Variants in STPG2 observed in about 807,000 individuals in gnomAD.
STPG2 encodes the protein sperm-tail PG-rich repeat-containing protein 2.
Under a neutral mutation model 54.2 loss-of-function variants are expected in STPG2, and 56 were observed. The ratio of observed to expected loss-of-function variants is 1.03; its 90% CI spans 0.83 to 1.29. The LOEUF (loss-of-function observed/expected upper bound fraction) is 1.29, where lower values mean the gene tolerates loss of function less well. Ranked by LOEUF, STPG2 falls within the 50% of genes most tolerant of loss-of-function variation. The pLI is 0.00. For missense variants in STPG2, 596 were observed against 544.9 expected (o/e 1.09, Z -0.93); for synonymous variants, 200 against 181.8 (o/e 1.10, Z -0.81).
rs1432329876 is a variant in STPG2, at chr4:97,660,140, C to G, written c.1320+52559G>C. Among the ~76,000 whole-genome samples the G allele has an allele frequency of 2.6e-5, 4 of 151,990 alleles. No individual in the cohort carries two copies. The East Asian group carries it at 7.8e-4, about 29-fold the overall frequency. On this transcript the variant is annotated intron_variant, in intron 10 of 10. Transcript: ENST00000295268. Reference sequence around the variant, plus strand: ...GCCTCAGCCTCCTGAGTAGCTGGGACTACAGGCGCCCACCACTAAGCCCAG... The same window carrying G: ...GCCTCAGCCTCCTGAGTAGCTGGGAGTACAGGCGCCCACCACTAAGCCCAG...
intron 10 of STPG2, among the ~76,000 whole-genome samples, chr4:97,626,759 T>C (rs1352940004): frequency 2.0e-5 from 3 of 152,154 alleles, no homozygotes; most frequent in East Asian, 1.9e-4. Context: ...CTTTTACTTA[T>C]AATTCTTGTG....
intron 10 of STPG2, among the ~76,000 whole-genome samples, chr4:97,621,384 G>A: frequency 6.6e-6 from 1 of 151,938 alleles, no homozygotes; most frequent in Non-Finnish European, 1.5e-5. Flanking sequence ...AAGATTGACA[G>A]ACCACTAGCT....
At chr4:97,893,511 G>T (rs1277717322) in intron 8 of STPG2, among the ~76,000 whole-genome samples, 1 of 151,964 alleles carries the variant, frequency 6.6e-6, no homozygotes, top group African/African-American at 2.4e-5. Flanking sequence ...AGGGATTTAA[G>T]CTCTTCCAAC....
intron 4 of STPG2, among the ~76,000 whole-genome samples, chr4:97,472,048 C>T (rs937885324): frequency 6.6e-6 from 1 of 152,046 alleles, no homozygotes; most frequent in Non-Finnish European, 1.5e-5. Flanking sequence ...TTGTAAGAAG[C>T]TTATAAATCA....
At chr4:97,943,293 G>C (rs1425914204) in intron 8 of STPG2, among the ~76,000 whole-genome samples, 1 of 152,066 alleles carries the variant, frequency 6.6e-6, no homozygotes, top group Non-Finnish European at 1.5e-5. Flanking sequence ...CAAACATTTA[G>C]ACTCTAGCAA....
chr4:97,689,088 T>C (rs1057130254), intron 10 of STPG2, among the ~76,000 whole-genome samples: 6 of 152,162 alleles, frequency 3.9e-5, no homozygotes, highest in Admixed American at 2.6e-4. Flanking sequence ...CAACTGAATG[T>C]GCTGTCTGAG....
At chr4:97,698,424 T>C (rs890157394) in intron 10 of STPG2, among the ~76,000 whole-genome samples, 4 of 152,190 alleles carry the variant, frequency 2.6e-5, no homozygotes, top group African/African-American at 7.2e-5. Flanking sequence ...TCTTAGCCTG[T>C]TGACTTAAAG....
intron 8 of STPG2, among the ~76,000 whole-genome samples, chr4:97,925,344 A>G (rs747272673): frequency 2.0e-5 from 3 of 152,226 alleles, no homozygotes; most frequent in African/African-American, 4.8e-5. Context: ...CTGTTTGCTT[A>G]TCAAACCCAT....
chr4:97,958,350 G>A (rs1319707519), intron 7 of STPG2, among the ~76,000 whole-genome samples: 1 of 151,710 alleles, frequency 6.6e-6, no homozygotes, highest in African/African-American at 2.4e-5. Flanking sequence ...AGGTATACAG[G>A]CAACAAATAG....
rs1553939187 is a variant in STPG2, at chr4:98,072,613, T to TAAAATAAAATAAAATAAAATAAAAC, written c.612+33339_612+33340insGTTTTATTTTATTTTATTTTATTTT. ...TAAAATAAAATAAAATAAAATAAAATAAAACAAAACAAGAGTCCACTAATT... is the reference window on the plus strand; with the variant it reads ...TAAAATAAAATAAAATAAAATAAAATAAAATAAAATAAAATAAAATAAAACAAAACAAAACAAGAGTCCACTAATT... On this transcript the variant is annotated intron_variant, in intron 5 of 10. Coordinates refer to ENST00000295268, the MANE Select transcript of STPG2 (RefSeq NM_174952.3). Among the ~76,000 whole-genome samples the TAAAATAAAATAAAATAAAATAAAAC allele has an allele frequency of 5.0e-3, 679 of 135,170 alleles. 10 individuals carry two copies. Among genetic ancestry groups the TAAAATAAAATAAAATAAAATAAAAC allele is most frequent in the African/African-American group, 0.018 (650 of 36,358 alleles). The allele number at this position is 135,170 out of a possible 152,430, so 88.7% of individuals were successfully genotyped here.
chr4:97,760,277 A>T (rs1578541015), intron 9 of STPG2, among the ~76,000 whole-genome samples: 1 of 152,148 alleles, frequency 6.6e-6, no homozygotes. Flanking sequence ...TTACATATCC[A>T]CCCTACCTTC....
intron 9 of STPG2, among the ~76,000 whole-genome samples, chr4:97,761,598 C>T (rs1725892661): frequency 6.6e-6 from 1 of 152,102 alleles, no homozygotes; most frequent in Admixed American, 6.5e-5. Flanking sequence ...CCCTGGCAAA[C>T]CAATACACCA....
Position 97,981,170 on chromosome 4 carries a change from T to C in STPG2, c.761A>G (p.Glu254Gly). 1 of 1,613,444 alleles carries C rather than the reference T, an allele frequency of 6.2e-7. No individual in the cohort carries two copies. The highest frequency in any genetic ancestry group is 1.7e-4 in the Middle Eastern group (1 of 5,954). ...GATAAATTGCTAACCTGGCATTTCC[T>C]CTGTCCTGATGTCCTGTGTGAATCG... Reference protein sequence around the residue: ...AVRFTQDIRTEEMPGPGFYNV... With the variant: ...AVRFTQDIRTGEMPGPGFYNV... The change falls in exon 6 of 11, where the codon GAG becomes GGG. Residue 254 changes from glutamate (E) to glycine (G), a missense_variant. Transcript: ENST00000295268.
chr4:98,128,414 T>G lies in STPG2; in HGVS notation c.387+14A>C. ...CAATTTTCCAATTGTCAATATGAAATACATTATACTTACAAATTGAGGTTT... is the reference window on the plus strand; with the variant it reads ...CAATTTTCCAATTGTCAATATGAAAGACATTATACTTACAAATTGAGGTTT... On this transcript the variant is annotated intron_variant, in intron 3 of 10. Coordinates refer to ENST00000295268, the MANE Select transcript of STPG2 (RefSeq NM_174952.3). 6.5e-7 allele frequency: 1 copy of G among 1,544,416 alleles called. No individual in the cohort carries two copies. The highest frequency in any genetic ancestry group is 2.3e-5 in the East Asian group (1 of 42,832).
chr4:97,533,952 T>C (rs1578368280), intron 4 of STPG2, among the ~76,000 whole-genome samples: 1 of 152,182 alleles, frequency 6.6e-6, no homozygotes, highest in South Asian at 2.1e-4. Context: ...GGTTATATAA[T>C]AAGTATTTTT....
chr4:97,724,491 A>G (rs1724557069), intron 9 of STPG2, among the ~76,000 whole-genome samples: 1 of 152,086 alleles, frequency 6.6e-6, no homozygotes, highest in Non-Finnish European at 1.5e-5. Flanking sequence ...TGAGTTGTAC[A>G]TTATTTCATT....
chr4:97,602,408 A>G (rs934736998), intron 10 of STPG2, among the ~76,000 whole-genome samples: 2 of 151,638 alleles, frequency 1.3e-5, no homozygotes. Flanking sequence ...CTCCACACAC[A>G]CTTATTTTCC....
At chr4:98,045,899 G>T (rs1003528417) in intron 5 of STPG2, among the ~76,000 whole-genome samples, 2 of 85,226 alleles carry the variant, frequency 2.3e-5, no homozygotes, top group Admixed American at 1.0e-4. Context: ...TTCTTCCCTA[G>T]GTTTGGAAAT....
intron 5 of STPG2, among the ~76,000 whole-genome samples, chr4:98,014,353 A>T (rs1417001938): frequency 1.3e-5 from 2 of 151,990 alleles, no homozygotes; most frequent in Non-Finnish European, 2.9e-5. Flanking sequence ...ATCAGTCCTG[A>T]GTCAGTGGCT....
Sources: allele counts gnomAD v4.1 joint callset (sites outside exome capture counted in the v4.1 genomes callset), GRCh38; gene constraint gnomAD v4.1.1; transcripts MANE v1.5; gene names NCBI Gene and HGNC (gene_info 2026-07-23, HGNC 2026-07-21).